Variants in CNGB3 observed in about 807,000 individuals in gnomAD.
CNGB3 encodes cyclic nucleotide-gated channel beta-3.
A neutral mutation model predicts 92.8 loss-of-function variants in CNGB3; 86 were observed. The observed-to-expected ratio is 0.93, with a 90% CI of 0.78 to 1.11. The LOEUF is 1.11. CNGB3 is among the 50% of genes least tolerant of loss of function. The pLI is 0.00. For synonymous variants in CNGB3, 333 were observed against 332.7 expected, an observed-to-expected ratio of 1.00 and a Z score of -0.01; for missense variants, 1,026 against 956.8, an observed-to-expected ratio of 1.07 and a Z score of -0.95.
At chr8:86,725,342 C>T (rs550231813) in intron 3 of CNGB3, among the ~76,000 whole-genome samples, 19 of 152,024 alleles carry the variant, frequency 1.2e-4, no homozygotes, top group Non-Finnish European at 2.5e-4. Context: ...GGTTGCTTAT[C>T]TGTTGAGTGA....
rs1164125628 is a variant in CNGB3 at position 86,579,243 on chromosome 8, T to A, written c.1791A>T (p.Ala597=). The A allele has an allele frequency of 6.2e-7, 1 of 1,614,100 alleles. No individual in the cohort carries two copies. The highest frequency in any genetic ancestry group is 1.3e-5 in the African/African-American group (1 of 75,052). Residue 597 remains alanine (A), a synonymous_variant, in exon 16 of 18, where the codon GCA becomes GCT. Coordinates refer to ENST00000320005, the MANE Select transcript of CNGB3 (RefSeq NM_019098.5). ...CAGTTCGACGGTTTCCTCCTCCTGC[T>A]GCTAGAAGGCTGTAAGAGAGAAAAA... The part of the protein sequence containing the change: ...GSVFGEISLL[A]AGGGNRRTAN...
At chr8:86,627,900 A>C (rs1461440239) in intron 12 of CNGB3, among the ~76,000 whole-genome samples, 1 of 152,158 alleles carries the variant, frequency 6.6e-6, no homozygotes, top group South Asian at 2.1e-4. Context: ...GAGCAAAACC[A>C]ACTCCTTTTT....
intron 15 of CNGB3, chr8:86,593,819 GT>G: frequency 8.2e-7 from 1 of 1,218,726 alleles, no homozygotes. Context: ...GTCCACATCT[GT>G]CAGGTCAGGG....
chr8:86,601,095 GT>G (rs1822288976), intron 15 of CNGB3, among the ~76,000 whole-genome samples: 1 of 152,142 alleles, frequency 6.6e-6, no homozygotes, highest in African/African-American at 2.4e-5. Flanking sequence ...CTTCAAAAAG[GT>G]GGCATTTGAA....
At chr8:86,583,382 G>A (rs1821829982) in intron 15 of CNGB3, among the ~76,000 whole-genome samples, 1 of 152,020 alleles carries the variant, frequency 6.6e-6, no homozygotes, top group Non-Finnish European at 1.5e-5. Context: ...GTTATATGAT[G>A]GTAGGTTCAG....
At chr8:86,622,025 G>A (rs982948902) in intron 13 of CNGB3, among the ~76,000 whole-genome samples, 1 of 152,166 alleles carries the variant, frequency 6.6e-6, no homozygotes, top group African/African-American at 2.4e-5. Context: ...CAGCCTGGGT[G>A]ACAGAGCGAG....
chr8:86,597,318 C>T (rs1408945274), intron 15 of CNGB3, among the ~76,000 whole-genome samples: 3 of 152,182 alleles, frequency 2.0e-5, no homozygotes, highest in Non-Finnish European at 4.4e-5. Flanking sequence ...AACTGGGTTC[C>T]TGCCCTCCCG....
At chr8:86,661,405 A>G (rs7017987) in intron 6 of CNGB3, 67,878 of 448,450 alleles carry the variant, frequency 0.15, 5,677 homozygotes, top group Admixed American at 0.28. Context: ...CAGGAAGAGG[A>G]CAAAAAAATT....
intron 11 of CNGB3, among the ~76,000 whole-genome samples, chr8:86,632,198 C>CAAAA (rs71275869): frequency 1.6e-4 from 11 of 70,542 alleles, no homozygotes; most frequent in South Asian, 6.1e-4. Context: ...GACCCTGTCT[C>CAAAA]AAAAAAAAAA....
intron 17 of CNGB3, among the ~76,000 whole-genome samples, chr8:86,577,132 AAGAGAG>A (rs3077256): frequency 6.6e-6 from 1 of 151,258 alleles, no homozygotes; most frequent in Non-Finnish European, 1.5e-5. Context: ...ACCAAAAAAA[AAGAGAG>A]AGAGAGAGAG....
intron 2 of CNGB3, among the ~76,000 whole-genome samples, chr8:86,732,703 G>A (rs543731008): frequency 2.0e-5 from 3 of 152,120 alleles, no homozygotes; most frequent in Non-Finnish European, 2.9e-5. Flanking sequence ...AAACTAGAAA[G>A]CATGTAATAT....
intron 1 of CNGB3, among the ~76,000 whole-genome samples, chr8:86,742,063 A>T (rs1283341170): frequency 1.3e-5 from 2 of 152,214 alleles, no homozygotes; most frequent in African/African-American, 4.8e-5. Context: ...TGTTGTGAGG[A>T]TTAAATACAG....
chr8:86,732,234 G>C (rs1280211894), intron 2 of CNGB3, among the ~76,000 whole-genome samples: 1 of 152,138 alleles, frequency 6.6e-6, no homozygotes, highest in African/African-American at 2.4e-5. Flanking sequence ...TCTTTTAAGC[G>C]AGGGAGCTTT....
intron 3 of CNGB3, among the ~76,000 whole-genome samples, chr8:86,689,907 G>A (rs1824273185): frequency 6.6e-6 from 1 of 152,056 alleles, no homozygotes; most frequent in South Asian, 2.1e-4. Context: ...CTTTTTTATG[G>A]CTGCATAGTA....
chr8:86,687,215 A>C (rs1824205436), intron 3 of CNGB3, among the ~76,000 whole-genome samples: 1 of 152,044 alleles, frequency 6.6e-6, no homozygotes, highest in Admixed American at 6.6e-5. Flanking sequence ...TGTAAAAAAC[A>C]GTTTGGCAGT....
intron 3 of CNGB3, among the ~76,000 whole-genome samples, chr8:86,709,072 A>G (rs190894811): frequency 6.6e-6 from 1 of 152,340 alleles, no homozygotes; most frequent in African/African-American, 2.4e-5. Flanking sequence ...ACATGCTTAT[A>G]GAAATGATCC....
At chr8:86,738,565 C>T (rs867078948) in intron 2 of CNGB3, among the ~76,000 whole-genome samples, 4 of 152,094 alleles carry the variant, frequency 2.6e-5, no homozygotes, top group African/African-American at 9.7e-5. Context: ...GTGGGCCGGG[C>T]GCGGTGGCTC....
intron 3 of CNGB3, among the ~76,000 whole-genome samples, chr8:86,695,568 C>A (rs1421101869): frequency 1.3e-5 from 2 of 151,832 alleles, no homozygotes; most frequent in African/African-American, 4.8e-5. Flanking sequence ...TCATATCCTC[C>A]TTTTTGTTTT....
chr8:86,628,859 C>T, intron 12 of CNGB3, 60 bp downstream of exon 12: 1 of 1,574,398 alleles, frequency 6.4e-7, no homozygotes, highest in Non-Finnish European at 8.7e-7. Context: ...TGCTACCTTA[C>T]AGAATTTTCA....
Sources: allele counts gnomAD v4.1 joint callset (sites outside exome capture counted in the v4.1 genomes callset), GRCh38; gene constraint gnomAD v4.1.1; transcripts MANE v1.5; gene names NCBI Gene and HGNC (gene_info 2026-07-23, HGNC 2026-07-21).